ZNF185: variants seen among roughly 807,000 people sequenced by gnomAD.
ZNF185 encodes the protein zinc finger protein 185.
In ZNF185, 56 loss-of-function variants were observed where a neutral mutation model predicts 58.6. The ratio of observed to expected loss-of-function variants is 0.95; its 90% CI spans 0.77 to 1.19. The LOEUF is 1.19. Ranked by LOEUF, ZNF185 falls within the 50% of genes most tolerant of loss-of-function variation. The pLI, the probability that ZNF185 is intolerant of heterozygous loss-of-function variation, is 0.00. For missense variants in ZNF185, 627 were observed against 573.5 expected, an observed-to-expected ratio of 1.09 and a Z score of -0.95; for synonymous variants, 230 against 215.9, an observed-to-expected ratio of 1.07 and a Z score of -0.57.
At chrX:152,915,592 A>C (rs1411127798) in intron 3 of ZNF185, among the ~76,000 whole-genome samples, 1 of 112,847 alleles carries the variant, frequency 8.9e-6, no homozygotes, top group Non-Finnish European at 1.9e-5. Context: ...CCAGAGTCAC[A>C]GTGACTCACT....
At chrX:152,916,911 T>A (rs1556866064) in intron 3 of ZNF185, among the ~76,000 whole-genome samples, 1 of 112,378 alleles carries the variant, frequency 8.9e-6, no homozygotes, top group Non-Finnish European at 1.9e-5. Flanking sequence ...AGGAGTCACC[T>A]GGGGCACTTT....
exon 6 of ZNF185, chrX:152,918,073 G>C: frequency 8.4e-7 from 1 of 1,187,915 alleles, no homozygotes; most frequent in Non-Finnish European, 1.1e-6. Flanking sequence ...AGTGCTGCCA[G>C]TCTGGTGAGA....
chrX:152,935,178 T>C (rs1310871628), intron 14 of ZNF185, among the ~76,000 whole-genome samples: 1 of 110,603 alleles, frequency 9.0e-6, no homozygotes, highest in African/African-American at 3.3e-5. Flanking sequence ...ACCCACAACA[T>C]AGAGGGCTGA....
At chrX:152,956,112 C>T (rs782563243) in intron 16 of ZNF185, among the ~76,000 whole-genome samples, 34 of 111,485 alleles carry the variant, frequency 3.0e-4, no homozygotes, top group Admixed American at 9.6e-4. Flanking sequence ...GACCATTTGA[C>T]ATTTCAGAGA....
chrX:152,939,776 G>GTTTTTT (rs57118182), intron 15 of ZNF185, among the ~76,000 whole-genome samples: 9 of 49,841 alleles, frequency 1.8e-4, no homozygotes, highest in Non-Finnish European at 3.0e-4. Flanking sequence ...AATCAGAGGT[G>GTTTTTT]TTTTTTTTTT....
intron 13 of ZNF185, 124 bp downstream of exon 14, chrX:152,931,900 G>T (rs1438186927): frequency 4.6e-6 from 2 of 433,819 alleles, no homozygotes; most frequent in Non-Finnish European, 7.3e-6. Flanking sequence ...GGAAGGTCCT[G>T]TTCCCACTGT....
chrX:152,914,866 ACGTGGGGGCGCGCAATC>A, intron 2 of ZNF185, 33 bp downstream of exon 3: 7 of 1,167,112 alleles, frequency 6.0e-6, no homozygotes, highest in Non-Finnish European at 8.0e-6. Flanking sequence ...GACCGCAGCA[ACGTGGGGGCGCGCAATC>A]CGTGGGGGAC....
the ZNF185 span, among the ~76,000 whole-genome samples, chrX:152,909,371 C>T: frequency 1.8e-5 from 2 of 112,351 alleles, no homozygotes; most frequent in African/African-American, 3.2e-5. Flanking sequence ...ATATTCTGGA[C>T]GTGAGCCTCG....
intron 16 of ZNF185, among the ~76,000 whole-genome samples, chrX:152,949,389 C>G (rs186243876): frequency 1.8e-5 from 2 of 112,433 alleles, no homozygotes; most frequent in African/African-American, 6.5e-5. Context: ...GGTCTAAATC[C>G]TGTAGCATGC....
At chrX:152,931,701 C>T in exon 13 of ZNF185, 2 of 1,209,821 alleles carry the variant, frequency 1.7e-6, no homozygotes, top group Non-Finnish European at 2.2e-6. Context: ...GACAAGGAGG[C>T]CCCCTGCTCC....
intron 16 of ZNF185, among the ~76,000 whole-genome samples, chrX:152,949,935 A>G (rs782456282): frequency 1.5e-4 from 17 of 111,969 alleles, no homozygotes; most frequent in African/African-American, 5.5e-4. Context: ...GAGGACAGTC[A>G]GTGCTAAGGG....
At chrX:152,914,459 C>T in exon 1 of ZNF185, 1 of 1,156,619 alleles carries the variant, frequency 8.6e-7, no homozygotes, top group South Asian at 1.9e-5. Flanking sequence ...CCTGCTGAAT[C>T]AAGTGAGAGG....
chrX:152,928,724 C>T, intron 12 of ZNF185, 63 bp downstream of exon 13: 1 of 1,115,023 alleles, frequency 9.0e-7, no homozygotes, highest in Admixed American at 2.3e-5. Context: ...AAGCAGCAGC[C>T]TCAGGTGGCA....
At position 152,928,674 on chromosome X, in the gene ZNF185, TGCTGCTGTCCTG is replaced by T; in HGVS notation, c.917+17_917+28del. On this transcript the variant is annotated intron_variant, in intron 12 of 22. Coordinates refer to ENST00000449285, the Ensembl canonical transcript of ZNF185. ...TGGAAGGCATGAGGTATGGGGGTCC[TGCTGCTGTCCTG>T]GCTCCCTGGACACCATTCTAGAGAT... is the stretch of plus-strand genomic sequence containing the variant. The T allele has an allele frequency of 1.7e-6, 2 of 1,205,865 alleles. No homozygotes were observed. The highest frequency in any genetic ancestry group is 2.2e-6 in the Non-Finnish European group (2 of 890,699).
upstream of ZNF185, among the ~76,000 whole-genome samples, chrX:152,909,662 C>T (rs1936829187): frequency 8.9e-6 from 1 of 112,686 alleles, no homozygotes; most frequent in Admixed American, 9.3e-5. Context: ...CCTGCCTGCT[C>T]TCCGCTTCCT....
At chrX:152,913,867 A>AT (rs200526723), upstream of ZNF185, among the ~76,000 whole-genome samples, 5 of 109,706 alleles carry the variant, frequency 4.6e-5, no homozygotes, top group East Asian at 2.8e-4. Context: ...GAAAGGTAGA[A>AT]TTTTTTTTTT....
chrX:152,912,926 G>A, upstream of ZNF185, among the ~76,000 whole-genome samples: 1 of 113,127 alleles, frequency 8.8e-6, no homozygotes, highest in East Asian at 2.8e-4. Flanking sequence ...CTTTGGTGCA[G>A]GGCTGGGCAC....
chrX:152,927,263 G>A (rs1941037051), intron 11 of ZNF185, among the ~76,000 whole-genome samples: 1 of 112,431 alleles, frequency 8.9e-6, no homozygotes, highest in Admixed American at 9.4e-5. Context: ...GGAGAAGTCA[G>A]AGCTGTCTGT....
At chrX:152,950,819 C>T (rs782253624) in intron 16 of ZNF185, among the ~76,000 whole-genome samples, 5 of 111,352 alleles carry the variant, frequency 4.5e-5, no homozygotes, top group Admixed American at 1.9e-4. Flanking sequence ...TATGGGTTAG[C>T]GAGAAATACT....
Sources: gnomAD v4.1 joint callset for allele counts (sites outside exome capture counted in the v4.1 genomes callset) on GRCh38, gnomAD v4.1.1 for gene constraint, MANE v1.5 for transcripts, NCBI Gene and HGNC (gene_info 2026-07-23, HGNC 2026-07-21) for gene names.